Variants in TESK2 observed in about 807,000 individuals in gnomAD.
TESK2 encodes testis associated actin remodelling kinase 2, also known as dual specificity testis-specific protein kinase 2.
A neutral mutation model predicts 57.1 loss-of-function variants in TESK2; 39 were observed. That is an observed-to-expected ratio of 0.68 (90% confidence interval 0.53 to 0.89). The LOEUF is 0.89. Among genes scored for constraint, TESK2 ranks in the 40% least tolerant of loss-of-function variants. TESK2 has a pLI of 0.00. For missense variants in TESK2, 646 were observed against 732.1 expected (o/e 0.88, Z 1.36); for synonymous variants, 249 against 267.9 (o/e 0.93, Z 0.69).
chr1:45,482,423 G>A (rs991603725), intron 1 of TESK2, among the ~76,000 whole-genome samples: 1 of 152,118 alleles, frequency 6.6e-6, no homozygotes, highest in Admixed American at 6.5e-5. Context: ...AGCTACTCAG[G>A]AGACTGAGAT....
At chr1:45,346,301 C>T (rs1349373847) in intron 9 of TESK2, among the ~76,000 whole-genome samples, 1 of 152,090 alleles carries the variant, frequency 6.6e-6, no homozygotes, top group Non-Finnish European at 1.5e-5. Context: ...TGAACAAAGC[C>T]CACCTACCCC....
intron 1 of TESK2, among the ~76,000 whole-genome samples, chr1:45,471,858 A>G (rs1462768956): frequency 1.3e-5 from 2 of 152,136 alleles, no homozygotes; most frequent in South Asian, 2.1e-4. Context: ...ATCACTGCAC[A>G]CTACAGCCTC....
Position 45,344,645 on chromosome 1 carries a change from C to T in TESK2, c.*195G>A. ...AGAGGCTTGGTATCAGCTGTTGGCC[C>T]TAACTAGGAAGGCCTCTCACTGCTG... On this transcript the variant is annotated 3_prime_UTR_variant, in exon 11 of 11. Coordinates refer to ENST00000372086, the MANE Select transcript of TESK2 (RefSeq NM_007170.3). The T allele has an allele frequency of 3.4e-6, 2 of 589,802 alleles. No individual in the cohort carries two copies. Among genetic ancestry groups the T allele is most frequent in the Non-Finnish European group, 6.0e-6 (2 of 333,810 alleles). The allele number at this position is 589,802 out of a possible 1,614,324, so 36.5% of individuals were successfully genotyped here.
intron 1 of TESK2, among the ~76,000 whole-genome samples, chr1:45,485,190 G>GTTTTTT (rs780419936): frequency 7.1e-6 from 1 of 141,296 alleles, no homozygotes. Flanking sequence ...TTTGTTTTTT[G>GTTTTTT]TTTTTTGTTT....
chr1:45,357,865 C>G (rs185640585), intron 4 of TESK2, among the ~76,000 whole-genome samples: 1 of 151,850 alleles, frequency 6.6e-6, no homozygotes, highest in Non-Finnish European at 1.5e-5. Flanking sequence ...ATTAGCCAGG[C>G]ATGGTGGCGC....
At chr1:45,483,421 C>A (rs1387784171) in intron 1 of TESK2, among the ~76,000 whole-genome samples, 2 of 151,894 alleles carry the variant, frequency 1.3e-5, no homozygotes, top group East Asian at 1.9e-4. Flanking sequence ...CATGGTGAAA[C>A]CCTGTCTCTA....
intron 2 of TESK2, among the ~76,000 whole-genome samples, chr1:45,439,689 A>G (rs2149293282): frequency 6.6e-6 from 1 of 152,318 alleles, no homozygotes; most frequent in East Asian, 1.9e-4. Flanking sequence ...GCATGGTAGC[A>G]AACACCTGTA....
In TESK2 at chr1:45,371,384, A is replaced by C. The variant is rs527987575; in HGVS notation, c.393+14528T>G. Among the ~76,000 whole-genome samples the C allele has an allele frequency of 5.9e-5, 9 of 152,360 alleles. No homozygotes were observed. In the East Asian group the frequency reaches 1.7e-3, roughly 29 times the overall value. ...TTCATCAACCCATGAATGGATCAAC[A>C]AAGTATGGTATATACATACAATAAA... On this transcript the variant is annotated intron_variant, in intron 4 of 10. Transcript: ENST00000372086.
intron 10 of TESK2, 22 bp from the exon 11 acceptor site, chr1:45,345,580 G>T: frequency 1.3e-6 from 2 of 1,593,458 alleles, no homozygotes; most frequent in Non-Finnish European, 1.7e-6. Flanking sequence ...TCAAGTCTGG[G>T]TTACTCTCAC....
chr1:45,427,828 T>G (rs1650766003), intron 2 of TESK2, among the ~76,000 whole-genome samples: 1 of 152,054 alleles, frequency 6.6e-6, no homozygotes. Flanking sequence ...CTTGATAGAA[T>G]GAAGAAGATT....
chr1:45,384,389 GTCTATCTA>G (rs71052870), intron 4 of TESK2, among the ~76,000 whole-genome samples: 9,775 of 144,282 alleles, frequency 0.068, 437 homozygotes, highest in Non-Finnish European at 0.091. Context: ...CTATCTATCT[GTCTATCTA>G]TCTATCTATC....
chr1:45,430,686 T>A (rs1650912100), intron 2 of TESK2, among the ~76,000 whole-genome samples: 1 of 152,102 alleles, frequency 6.6e-6, no homozygotes, highest in Admixed American at 6.5e-5. Flanking sequence ...ACTTTTGGGT[T>A]TGTGGTGGCT....
At chr1:45,486,851 T>G (rs1407794869) in intron 1 of TESK2, among the ~76,000 whole-genome samples, 1 of 146,790 alleles carries the variant, frequency 6.8e-6, no homozygotes, top group African/African-American at 2.6e-5. Context: ...AGACGGACTT[T>G]CGCTCTTGTT....
At chr1:45,425,866 C>T (rs60385551) in intron 2 of TESK2, among the ~76,000 whole-genome samples, 8,299 of 151,926 alleles carry the variant, frequency 0.055, 686 homozygotes, top group African/African-American at 0.18. Flanking sequence ...AAAGCTGGGC[C>T]GGGTGCAGTA....
At chr1:45,466,944 T>G (rs1652577973) in intron 1 of TESK2, among the ~76,000 whole-genome samples, 1 of 152,014 alleles carries the variant, frequency 6.6e-6, no homozygotes, top group African/African-American at 2.4e-5. Flanking sequence ...CAATAAGCAT[T>G]CAACTCCTGT....
At chr1:45,465,396 G>A (rs964916024) in intron 1 of TESK2, among the ~76,000 whole-genome samples, 2 of 144,936 alleles carry the variant, frequency 1.4e-5, no homozygotes, top group African/African-American at 5.2e-5. Context: ...GGGTGACAGA[G>A]TGAGACTCCA....
intron 3 of TESK2, among the ~76,000 whole-genome samples, chr1:45,408,853 G>A (rs978923603): frequency 6.6e-6 from 1 of 152,054 alleles, no homozygotes; most frequent in African/African-American, 2.4e-5. Flanking sequence ...TCTATCAGAT[G>A]TTCACTAGTA....
At chr1:45,410,508 G>A (rs1649996528) in intron 3 of TESK2, among the ~76,000 whole-genome samples, 1 of 151,892 alleles carries the variant, frequency 6.6e-6, no homozygotes, top group South Asian at 2.1e-4. Context: ...GGGAGGCTGA[G>A]GCAGGAGAAT....
At chr1:45,479,875 G>A (rs1014204189) in intron 1 of TESK2, among the ~76,000 whole-genome samples, 1 of 132,192 alleles carries the variant, frequency 7.6e-6, no homozygotes, top group Non-Finnish European at 1.5e-5. Flanking sequence ...CCAGAGTGCA[G>A]TGGCAAGATA....
Sources: allele counts gnomAD v4.1 joint callset (sites outside exome capture counted in the v4.1 genomes callset), GRCh38; gene constraint gnomAD v4.1.1; transcripts MANE v1.5; gene names NCBI Gene and HGNC (gene_info 2026-07-23, HGNC 2026-07-21).